The following PIK3R5 variants were observed in gnomAD, a reference collection of about 807,000 sequenced individuals.
PIK3R5 encodes phosphoinositide 3-kinase regulatory subunit 5.
PIK3R5 carries 32 observed loss-of-function variants against 94.9 expected under a neutral mutation model. The ratio of observed to expected loss-of-function variants is 0.34; its 90% confidence interval spans 0.25 to 0.45. The LOEUF is 0.45. PIK3R5 is among the 20% of genes least tolerant of loss of function. The pLI is 1.00. For missense variants in PIK3R5, 853 were observed against 1,144.6 expected, an observed-to-expected ratio of 0.75 and a Z score of 3.68; for synonymous variants, 443 against 479.4, an observed-to-expected ratio of 0.92 and a Z score of 0.99.
chr17:8,897,177 G>A (rs2090170156), intron 5 of PIK3R5, among the ~76,000 whole-genome samples: 1 of 152,218 alleles, frequency 6.6e-6, no homozygotes, highest in South Asian at 2.1e-4. Context: ...TGGGCAGGAA[G>A]GTGAAGCACG....
chr17:8,918,690 G>C (rs2090674334), intron 1 of PIK3R5, among the ~76,000 whole-genome samples: 1 of 152,104 alleles, frequency 6.6e-6, no homozygotes, highest in Non-Finnish European at 1.5e-5. Context: ...TGGACAAATA[G>C]GATATTTGTA....
chr17:8,915,166 T>A (rs2090605138), intron 1 of PIK3R5, among the ~76,000 whole-genome samples: 1 of 152,178 alleles, frequency 6.6e-6, no homozygotes, highest in Non-Finnish European at 1.5e-5. Flanking sequence ...GGCATGTCTG[T>A]AATCCCAGCA....
intron 1 of PIK3R5, among the ~76,000 whole-genome samples, chr17:8,923,493 A>G (rs1326837347): frequency 6.6e-6 from 1 of 152,172 alleles, no homozygotes; most frequent in Admixed American, 6.5e-5. Flanking sequence ...TGGTAAATGA[A>G]GTATGCTGTA....
At chr17:8,899,765 C>T (rs959543110) in intron 5 of PIK3R5, among the ~76,000 whole-genome samples, 8 of 152,082 alleles carry the variant, frequency 5.3e-5, no homozygotes, top group Admixed American at 2.6e-4. Context: ...AAAGGCTGGG[C>T]GCGGTGGCTC....
rs148129311 is a variant in PIK3R5 at position 8,880,727 on chromosome 17, G to A, written c.2555C>T (p.Thr852Met). ...GGCCTGGGCCGGCAGGTCAGGAGGC[G>A]TCTGGGGTGGTGAGGAGAGGTCGCT... ...EKSDLSSPPQ[T>M]PPDLPAQAAP... The change falls in exon 19 of 19, where the codon ACG becomes ATG. Residue 852 changes from threonine to methionine, a missense_variant. Coordinates refer to ENST00000447110, the MANE Select transcript of PIK3R5 (RefSeq NM_001142633.3). 2.6e-4 allele frequency: 425 copies of A among 1,613,962 alleles called. 2 individuals carry two copies. Among genetic ancestry groups the A allele is most frequent in the Middle Eastern group, 6.6e-4 (4 of 6,060 alleles).
At position 8,890,689 on chromosome 17, in the gene PIK3R5, A is replaced by C. The variant is rs1175720057; in HGVS notation, c.657+49T>G. 30 of 1,503,860 alleles carry C rather than the reference A, an allele frequency of 2.0e-5. No homozygotes were observed. Among genetic ancestry groups the C allele is most frequent in the Non-Finnish European group, 2.7e-5 (30 of 1,104,258 alleles). The allele number at this position is 1,503,860 out of a possible 1,614,324, so 93.2% of individuals were successfully genotyped here. A position where few individuals can be genotyped will look rare whatever the true frequency, so the allele number is the denominator to read the frequency against. ...TGAGATGAAGCAGGGAGAGGGTGCT[A>C]CCTCCTCAGAGAGGTGCTCCACCAG... On this transcript the variant is annotated intron_variant, in intron 7 of 18. Coordinates refer to ENST00000447110, the MANE Select transcript of PIK3R5 (RefSeq NM_001142633.3). The surrounding 1 kb of genome is among the most constrained non-coding windows in gnomAD (Gnocchi z 6.1).
chr17:8,900,224 T>C (rs2090250665), intron 5 of PIK3R5, among the ~76,000 whole-genome samples: 1 of 152,230 alleles, frequency 6.6e-6, no homozygotes, highest in Non-Finnish European at 1.5e-5. Flanking sequence ...TCAAAGGTTA[T>C]GGTTTTATTC....
chr17:8,885,422 CT>C (rs2089800869), intron 14 of PIK3R5, among the ~76,000 whole-genome samples: 3 of 150,414 alleles, frequency 2.0e-5, no homozygotes, highest in Non-Finnish European at 3.0e-5. Context: ...GCAACCCCGC[CT>C]CCCCATGGCC....
rs753605297 is a variant in PIK3R5, at chr17:8,887,577, G to T, written c.1723C>A (p.Pro575Thr). The T allele has an allele frequency of 1.2e-6, 2 of 1,609,360 alleles. No homozygotes were observed. The highest frequency in any genetic ancestry group is 1.7e-6 in the Non-Finnish European group (2 of 1,178,048). Residue 575 changes from proline (P) to threonine (T), a missense_variant, in exon 11 of 19, where the codon CCT becomes ACT. This residue lies in a region of PIK3R5 where 319 missense variants were observed against 339.8 expected (regional missense o/e 0.94). Coordinates refer to ENST00000447110, the MANE Select transcript of PIK3R5 (RefSeq NM_001142633.3). The part of the protein sequence containing the change: ...HGTSPGACPP[P>T]RSQTPSPPTD... ...GGGGGTGAGGGCGTCTGGCTCCGAG[G>T]GGGTGGACAGGCACCAGGGCTGGTC...
At chr17:8,923,877 TTCCCCTCCCC>T (rs577513403) in intron 1 of PIK3R5, among the ~76,000 whole-genome samples, 19 of 120,210 alleles carry the variant, frequency 1.6e-4, no homozygotes, top group Middle Eastern at 4.2e-3. Flanking sequence ...TTCCCTTCCC[TTCCCCTCCCC>T]TCCCCTCCCC....
At chr17:8,964,217 C>T (rs528508125) in intron 1 of PIK3R5, among the ~76,000 whole-genome samples, 12 of 152,160 alleles carry the variant, frequency 7.9e-5, no homozygotes, top group Non-Finnish European at 1.5e-4. Flanking sequence ...CATGGCAAAA[C>T]CCTGCCTCTA....
At chr17:8,942,988 A>ACACACACT (rs1029844619) in intron 1 of PIK3R5, among the ~76,000 whole-genome samples, 2 of 150,936 alleles carry the variant, frequency 1.3e-5, no homozygotes, top group African/African-American at 2.4e-5. Context: ...ACACACACAC[A>ACACACACT]CTTTGCTAAA....
At chr17:8,921,030 C>A (rs1044132074) in intron 1 of PIK3R5, among the ~76,000 whole-genome samples, 4 of 151,682 alleles carry the variant, frequency 2.6e-5, no homozygotes, top group Non-Finnish European at 4.4e-5. Context: ...TTAGTAGAGA[C>A]GGGTTTCACC....
intron 1 of PIK3R5, among the ~76,000 whole-genome samples, chr17:8,962,532 C>T (rs2091584676): frequency 6.6e-6 from 1 of 152,192 alleles, no homozygotes; most frequent in African/African-American, 2.4e-5. Flanking sequence ...ATGAGAACAA[C>T]ATAATTCTGT....
At chr17:8,965,001 C>CCACACACACACACA (rs10680170) in intron 1 of PIK3R5, among the ~76,000 whole-genome samples, 291 of 150,796 alleles carry the variant, frequency 1.9e-3, no homozygotes, top group Middle Eastern at 0.01. Context: ...ATGCGCATGC[C>CCACACACACACACA]CACACACACA....
At position 8,904,644 on chromosome 17, in the gene PIK3R5, G is replaced by A; in HGVS notation, c.412+133C>T. ...GCTGTGAAGAGGAGACTCCATGTTT[G>A]TGAACCAAGGCGTTGGCAGAGATGA... On this transcript the variant is annotated intron_variant, in intron 5 of 18. Coordinates refer to ENST00000447110, the MANE Select transcript of PIK3R5 (RefSeq NM_001142633.3). This position sits in a 1 kb window ranked among gnomAD's most constrained non-coding sequence, Gnocchi z 5.1. 2 of 831,758 alleles carry A rather than the reference G, an allele frequency of 2.4e-6. No homozygotes were observed. The highest frequency in any genetic ancestry group is 3.9e-6 in the Non-Finnish European group (2 of 518,828). The allele number at this position is 831,758 out of a possible 1,614,324, so 51.5% of individuals were successfully genotyped here.
At chr17:8,908,699 A>T (rs2090452889) in intron 3 of PIK3R5, among the ~76,000 whole-genome samples, 1 of 152,076 alleles carries the variant, frequency 6.6e-6, no homozygotes, top group Non-Finnish European at 1.5e-5. Flanking sequence ...CATTGACTGA[A>T]CTAAGAGAGG....
intron 1 of PIK3R5, among the ~76,000 whole-genome samples, chr17:8,951,311 A>C (rs1289677741): frequency 1.3e-5 from 2 of 152,220 alleles, no homozygotes. Flanking sequence ...CATTAAGTAC[A>C]TTCACAATGT....
At chr17:8,963,591 G>A (rs976721378) in intron 1 of PIK3R5, among the ~76,000 whole-genome samples, 6 of 150,940 alleles carry the variant, frequency 4.0e-5, no homozygotes, top group African/African-American at 1.2e-4. Context: ...AGGCTATAGC[G>A]CAGTGAAGCG....
Sources: allele counts gnomAD v4.1 joint callset (sites outside exome capture counted in the v4.1 genomes callset), GRCh38; gene constraint gnomAD v4.1.1; regional missense constraint gnomAD v4.1.1; non-coding constraint Gnocchi (gnomAD v3.1); transcripts MANE v1.5; gene names NCBI Gene and HGNC (gene_info 2026-07-23, HGNC 2026-07-21).